Variants in OTUD7A observed in about 807,000 individuals in gnomAD.
OTUD7A encodes OTU deubiquitinase 7A, also known as OTU domain-containing protein 7A.
Under a neutral mutation model 65.7 loss-of-function variants are expected in OTUD7A, and 12 were observed. The ratio of observed to expected loss-of-function variants is 0.18; its 90% CI spans 0.12 to 0.30. OTUD7A has a LOEUF of 0.30. Ranked by LOEUF, OTUD7A falls within the 10% of genes least tolerant of loss-of-function variation. The pLI is 1.00. For synonymous variants in OTUD7A, 641 were observed against 586.3 expected (o/e 1.09, Z -1.35); for missense variants, 1,148 against 1,304.8 (o/e 0.88, Z 1.85).
rs1200196712 is a variant in OTUD7A, at chr15:31,525,455, CT to C, written c.893+893del. On this transcript the variant is annotated intron_variant, in intron 8 of 12. Coordinates refer to ENST00000307050, the MANE Select transcript of OTUD7A (RefSeq NM_001382637.1). ...TGCAGCTGCAGCTCTGTGGGAGCCT[CT>C]TTTCCAGCCGGGGCCTCCAGGGAGA... is the stretch of plus-strand genomic sequence containing the variant. 5.4e-4 allele frequency among the ~76,000 whole-genome samples: 82 copies of C among 152,334 alleles called. 1 individual carries two copies. The highest frequency in any genetic ancestry group is 1.0e-4 in the Non-Finnish European group (7 of 68,024).
At chr15:31,827,125 C>T (rs543111212) in intron 1 of OTUD7A, among the ~76,000 whole-genome samples, 2 of 152,372 alleles carry the variant, frequency 1.3e-5, no homozygotes, top group South Asian at 4.1e-4. Context: ...ACATCCCACT[C>T]TACTGGTACC....
At chr15:31,600,175 C>T (rs1436882430) in intron 3 of OTUD7A, among the ~76,000 whole-genome samples, 1 of 152,116 alleles carries the variant, frequency 6.6e-6, no homozygotes, top group East Asian at 1.9e-4. Flanking sequence ...AGAGCATCCC[C>T]AAGACACATA....
chr15:31,736,983 A>G (rs991175597), intron 1 of OTUD7A, among the ~76,000 whole-genome samples: 4 of 151,980 alleles, frequency 2.6e-5, no homozygotes, highest in African/African-American at 9.7e-5. Context: ...CACCATGCCC[A>G]GCTAATTTTT....
At chr15:31,679,362 G>C (rs1476102900) in intron 1 of OTUD7A, among the ~76,000 whole-genome samples, 1 of 152,010 alleles carries the variant, frequency 6.6e-6, no homozygotes, top group Non-Finnish European at 1.5e-5. Context: ...TGAAATGTGA[G>C]AACATGAGAT....
intron 5 of OTUD7A, 154 bp downstream of exon 5, chr15:31,558,815 T>C: frequency 2.5e-6 from 2 of 793,078 alleles, no homozygotes; most frequent in Non-Finnish European, 4.0e-6. Context: ...TGTCGGCCCG[T>C]AGAGCAGGAG....
At chr15:31,646,388 G>A (rs1357833068) in intron 3 of OTUD7A, among the ~76,000 whole-genome samples, 8 of 152,116 alleles carry the variant, frequency 5.3e-5, no homozygotes, top group Non-Finnish European at 1.0e-4. Context: ...CAGAGAGGAA[G>A]TGTCTTTCTT....
chr15:31,683,218 A>G (rs1308897258), intron 1 of OTUD7A, among the ~76,000 whole-genome samples: 1 of 152,204 alleles, frequency 6.6e-6, no homozygotes, highest in Non-Finnish European at 1.5e-5. Context: ...CTTTTCAAAT[A>G]GAATAAACAA....
At chr15:31,599,135 C>T (rs1889999632) in intron 3 of OTUD7A, among the ~76,000 whole-genome samples, 1 of 152,216 alleles carries the variant, frequency 6.6e-6, no homozygotes, top group Non-Finnish European at 1.5e-5. Context: ...GTGGACCTCC[C>T]AGCACAGCGT....
chr15:31,747,480 A>G (rs1894511741), intron 1 of OTUD7A, among the ~76,000 whole-genome samples: 1 of 152,180 alleles, frequency 6.6e-6, no homozygotes, highest in Non-Finnish European at 1.5e-5. Context: ...AAGGACAGAG[A>G]GCTAGTTTGA....
intron 8 of OTUD7A, among the ~76,000 whole-genome samples, chr15:31,514,813 G>A (rs1017363219): frequency 3.3e-5 from 5 of 152,218 alleles, no homozygotes; most frequent in Non-Finnish European, 4.4e-5. Flanking sequence ...CAGCAAGGAA[G>A]GAAAGGGAAG....
chr15:31,740,888 G>A (rs572050474), intron 1 of OTUD7A, among the ~76,000 whole-genome samples: 56 of 152,174 alleles, frequency 3.7e-4, no homozygotes, highest in Non-Finnish European at 7.5e-4. Context: ...CTGGTGTAGC[G>A]ACATTAATAA....
intron 1 of OTUD7A, among the ~76,000 whole-genome samples, chr15:31,686,791 A>G (rs971010667): frequency 6.6e-6 from 1 of 152,242 alleles, no homozygotes; most frequent in Non-Finnish European, 1.5e-5. Context: ...ACAAGAAGCC[A>G]ACAGAAAGCA....
intron 4 of OTUD7A, among the ~76,000 whole-genome samples, chr15:31,564,214 G>T (rs551204816): frequency 1.4e-3 from 214 of 152,226 alleles, no homozygotes; most frequent in African/African-American, 4.9e-3. Context: ...AGAACAAGGT[G>T]CAAGAACATG....
intron 1 of OTUD7A, among the ~76,000 whole-genome samples, chr15:31,664,190 T>C (rs1892253225): frequency 1.3e-5 from 2 of 152,152 alleles, no homozygotes; most frequent in South Asian, 2.1e-4. Context: ...AGATACCAAG[T>C]AGTGGGATTG....
chr15:31,726,148 T>C (rs1893879132), intron 1 of OTUD7A, among the ~76,000 whole-genome samples: 2 of 151,888 alleles, frequency 1.3e-5, no homozygotes, highest in Non-Finnish European at 2.9e-5. Flanking sequence ...CTGTCTACAC[T>C]TTCCTCCCTT....
At chr15:31,554,222 C>T (rs113208412) in intron 5 of OTUD7A, among the ~76,000 whole-genome samples, 1 of 152,204 alleles carries the variant, frequency 6.6e-6, no homozygotes, top group African/African-American at 2.4e-5. Flanking sequence ...ACTTCATTTT[C>T]ATGCTCCCCT....
intron 1 of OTUD7A, among the ~76,000 whole-genome samples, chr15:31,661,637 T>C (rs1272528884): frequency 1.3e-5 from 2 of 152,224 alleles, no homozygotes; most frequent in Admixed American, 6.5e-5. Context: ...AAATTCCAGA[T>C]AACACATTAT....
intron 1 of OTUD7A, among the ~76,000 whole-genome samples, chr15:31,765,033 C>T (rs1482887338): frequency 2.0e-5 from 3 of 148,764 alleles, no homozygotes; most frequent in Non-Finnish European, 4.6e-5. Context: ...ATGAAAGGCA[C>T]ATAGCAGTTG....
At chr15:31,746,560 G>A (rs571084091) in intron 1 of OTUD7A, among the ~76,000 whole-genome samples, 44 of 148,920 alleles carry the variant, frequency 3.0e-4, no homozygotes, top group Non-Finnish European at 5.2e-4. Flanking sequence ...GCTGGAGTGC[G>A]ATCTCGGCTC....
Sources: gnomAD v4.1 joint callset for allele counts (sites outside exome capture counted in the v4.1 genomes callset) on GRCh38, gnomAD v4.1.1 for gene constraint, MANE v1.5 for transcripts, NCBI Gene and HGNC (gene_info 2026-07-23, HGNC 2026-07-21) for gene names.